The following HPSE2 variants were observed in gnomAD, a reference collection of about 807,000 sequenced individuals.
The protein encoded by HPSE2 is heparanase 2 (inactive).
In HPSE2, 38 loss-of-function variants were observed where a neutral mutation model predicts 60.5. The ratio of observed to expected loss-of-function variants is 0.63; its 90% CI spans 0.48 to 0.82. The LOEUF is 0.82. Among genes scored for constraint, HPSE2 ranks in the 40% least tolerant of loss-of-function variants. The probability of loss-of-function intolerance (pLI) is 0.00; values close to 1 mark genes in which losing one functional copy is unlikely to be tolerated. For synonymous variants in HPSE2, 295 were observed against 293.2 expected, an observed-to-expected ratio of 1.01 and a Z score of -0.06; for missense variants, 713 against 740.4, an observed-to-expected ratio of 0.96 and a Z score of 0.43.
intron 3 of HPSE2, among the ~76,000 whole-genome samples, chr10:98,830,022 G>C (rs1280450965): frequency 1.3e-5 from 2 of 152,168 alleles, no homozygotes; most frequent in Non-Finnish European, 2.9e-5. Flanking sequence ...GCCCTGGTGT[G>C]TGTTGTTCAC....
At chr10:99,037,425 C>T (rs1249831191) in intron 3 of HPSE2, among the ~76,000 whole-genome samples, 1 of 152,020 alleles carries the variant, frequency 6.6e-6, no homozygotes, top group African/African-American at 2.4e-5. Context: ...AGAGTACTAT[C>T]TTAGCAACTC....
intron 3 of HPSE2, among the ~76,000 whole-genome samples, chr10:99,078,708 C>T (rs1202654950): frequency 1.3e-5 from 2 of 152,152 alleles, no homozygotes; most frequent in Non-Finnish European, 2.9e-5. Flanking sequence ...AGGAAATTTA[C>T]TTTATTCCTT....
At chr10:98,979,178 C>T (rs532872764) in intron 3 of HPSE2, among the ~76,000 whole-genome samples, 2 of 152,050 alleles carry the variant, frequency 1.3e-5, no homozygotes, top group Admixed American at 6.6e-5. Flanking sequence ...CCTTCAGGCA[C>T]CAGCTAGAGG....
At chr10:98,946,472 C>CAAAAAAAAAAAAAAAA (rs61591255) in intron 3 of HPSE2, among the ~76,000 whole-genome samples, 1 of 93,232 alleles carries the variant, frequency 1.1e-5, no homozygotes, top group Non-Finnish European at 2.4e-5. Context: ...GACCCTCACT[C>CAAAAAAAAAAAAAAAA]AAAAAAAAAA....
intron 9 of HPSE2, among the ~76,000 whole-genome samples, chr10:98,540,509 T>G (rs1201263814): frequency 6.6e-6 from 1 of 152,212 alleles, no homozygotes; most frequent in Non-Finnish European, 1.5e-5. Flanking sequence ...AAGTATGTCT[T>G]AAACACATTT....
At chr10:98,952,764 T>A (rs1955401349) in intron 3 of HPSE2, among the ~76,000 whole-genome samples, 1 of 152,270 alleles carries the variant, frequency 6.6e-6, no homozygotes, top group Middle Eastern at 3.4e-3. Flanking sequence ...ATGGCTACCT[T>A]CTTGCTGTGT....
chr10:98,650,350 T>TG (rs1217437343), intron 6 of HPSE2, among the ~76,000 whole-genome samples: 5 of 152,172 alleles, frequency 3.3e-5, no homozygotes, highest in Admixed American at 3.3e-4. Flanking sequence ...CACTGAAATG[T>TG]GGGGATTTAA....
intron 5 of HPSE2, among the ~76,000 whole-genome samples, chr10:98,699,541 A>AT (rs1948341453): frequency 8.4e-6 from 1 of 119,298 alleles, no homozygotes; most frequent in South Asian, 4.0e-4. Context: ...TATCATACTG[A>AT]ATGGGCAAAA....
At chr10:99,033,795 A>C (rs1324363165) in intron 3 of HPSE2, among the ~76,000 whole-genome samples, 3 of 152,004 alleles carry the variant, frequency 2.0e-5, no homozygotes, top group African/African-American at 7.3e-5. Flanking sequence ...AAAAAAAAAA[A>C]CACAAAAAAC....
intron 3 of HPSE2, among the ~76,000 whole-genome samples, chr10:98,866,407 T>A (rs78229242): frequency 6.6e-6 from 1 of 152,016 alleles, no homozygotes; most frequent in Admixed American, 6.6e-5. Context: ...TAGAGATAAT[T>A]GGTGTCTTAG....
At chr10:98,513,596 T>C (rs1942493282) in intron 9 of HPSE2, among the ~76,000 whole-genome samples, 1 of 152,228 alleles carries the variant, frequency 6.6e-6, no homozygotes, top group African/African-American at 2.4e-5. Flanking sequence ...ATCTGCTCAC[T>C]GTCAAAAGGT....
intron 9 of HPSE2, among the ~76,000 whole-genome samples, chr10:98,591,265 G>A (rs968324932): frequency 6.6e-6 from 1 of 152,164 alleles, no homozygotes; most frequent in African/African-American, 2.4e-5. Flanking sequence ...CAATTTACAT[G>A]GAGCACCACG....
At chr10:98,977,468 T>C (rs193247553) in intron 3 of HPSE2, among the ~76,000 whole-genome samples, 107 of 152,190 alleles carry the variant, frequency 7.0e-4, no homozygotes, top group Admixed American at 6.1e-3. Flanking sequence ...ACAAATATGA[T>C]CTTGGCCCAT....
intron 3 of HPSE2, among the ~76,000 whole-genome samples, chr10:98,766,236 A>G (rs955795358): frequency 2.0e-5 from 3 of 152,222 alleles, no homozygotes; most frequent in African/African-American, 7.2e-5. Flanking sequence ...GAGAAAAAAC[A>G]GAAAATAGGA....
At chr10:98,470,975 C>T (rs372127777) in intron 11 of HPSE2, among the ~76,000 whole-genome samples, 3 of 152,182 alleles carry the variant, frequency 2.0e-5, no homozygotes, top group East Asian at 3.8e-4. Flanking sequence ...CGCTGTAAAA[C>T]ATAAAAGCAT....
At chr10:99,259,121 C>T in the HPSE2 span, among the ~76,000 whole-genome samples, 4,181 of 152,198 alleles carry the variant, frequency 0.027, 191 homozygotes, top group African/African-American at 0.095. Context: ...GCCCGACCAA[C>T]ATGGCAAAAC....
intron 6 of HPSE2, among the ~76,000 whole-genome samples, chr10:98,651,951 T>C (rs1946928502): frequency 6.6e-6 from 1 of 152,074 alleles, no homozygotes; most frequent in Admixed American, 6.5e-5. Flanking sequence ...TTTGTATTTT[T>C]GGTAGAGACA....
chr10:98,895,739 G>C (rs1028540705), intron 3 of HPSE2, among the ~76,000 whole-genome samples: 4 of 151,086 alleles, frequency 2.6e-5, no homozygotes, highest in East Asian at 1.9e-4. Flanking sequence ...TATACACCAT[G>C]GAATACTATG....
At chr10:98,488,954 A>C (rs2133673974) in intron 10 of HPSE2, among the ~76,000 whole-genome samples, 1 of 152,168 alleles carries the variant, frequency 6.6e-6, no homozygotes, top group South Asian at 2.1e-4. Flanking sequence ...AAGTCTTATC[A>C]TGATAAATTA....
Sources: allele counts gnomAD v4.1 joint callset (sites outside exome capture counted in the v4.1 genomes callset), GRCh38; gene constraint gnomAD v4.1.1; transcripts MANE v1.5; gene names NCBI Gene and HGNC (gene_info 2026-07-23, HGNC 2026-07-21).